The following UTRN variants were observed in gnomAD, a reference collection of about 807,000 sequenced individuals.
The protein encoded by UTRN is utrophin, also known as dystrophin-related protein 1.
UTRN carries 283 observed loss-of-function variants against 463.9 expected under a neutral mutation model. That is an observed-to-expected ratio of 0.61 (90% CI 0.55 to 0.67). The LOEUF is 0.67. Ranked by LOEUF, UTRN falls within the 30% of genes least tolerant of loss-of-function variation. UTRN has a pLI of 0.00. For synonymous variants in UTRN, 1,442 were observed against 1,431.5 expected (o/e 1.01, Z -0.17); for missense variants, 3,922 against 4,084.3 (o/e 0.96, Z 1.08).
chr6:144,651,997 G>A (rs777520074), intron 51 of UTRN, among the ~76,000 whole-genome samples: 3 of 152,012 alleles, frequency 2.0e-5, no homozygotes, highest in Non-Finnish European at 4.4e-5. Context: ...TCCCCATTGT[G>A]TTGTACTTTT....
At chr6:144,729,069 G>T (rs773954641) in intron 53 of UTRN, among the ~76,000 whole-genome samples, 1 of 152,064 alleles carries the variant, frequency 6.6e-6, no homozygotes. Context: ...GGAGGGTAAC[G>T]GGTGGCGTGT....
intron 2 of UTRN, chr6:144,333,412 C>T (rs1486792258): frequency 2.6e-5 from 4 of 152,152 alleles, no homozygotes; most frequent in Non-Finnish European, 5.9e-5. Flanking sequence ...TATAGCATGT[C>T]ACACACAGTA....
intron 41 of UTRN, among the ~76,000 whole-genome samples, chr6:144,527,235 A>G (rs1308627597): frequency 6.6e-6 from 1 of 152,222 alleles, no homozygotes. Flanking sequence ...GAAAAAGACT[A>G]TCTTTCCTTC....
intron 53 of UTRN, among the ~76,000 whole-genome samples, chr6:144,713,614 CAAAA>C (rs59879676): frequency 5.9e-5 from 8 of 136,398 alleles, no homozygotes; most frequent in Non-Finnish European, 9.5e-5. Context: ...AACTCTGTCT[CAAAA>C]AAAAAAATAA....
At chr6:144,510,808 T>G in intron 34 of UTRN, 136 bp from the exon 35 acceptor site, 1 of 714,466 alleles carries the variant, frequency 1.4e-6, no homozygotes, top group Non-Finnish European at 2.0e-6. Flanking sequence ...TTTTGTAAAC[T>G]TTGACATTGT....
chr6:144,541,860 T>G (rs1798001209), intron 45 of UTRN, among the ~76,000 whole-genome samples: 2 of 152,248 alleles, frequency 1.3e-5, no homozygotes, highest in Non-Finnish European at 1.5e-5. Context: ...TAAGTATTGG[T>G]CGGGTGAAGA....
intron 53 of UTRN, among the ~76,000 whole-genome samples, chr6:144,719,196 T>C (rs1786830264): frequency 6.6e-6 from 1 of 152,214 alleles, no homozygotes; most frequent in South Asian, 2.1e-4. Flanking sequence ...CCACATTTTC[T>C]TTTATGCCAG....
chr6:144,670,019 C>T (rs922962156), intron 51 of UTRN, among the ~76,000 whole-genome samples: 1 of 150,216 alleles, frequency 6.7e-6, no homozygotes, highest in Non-Finnish European at 1.5e-5. Flanking sequence ...TTTCTTTATC[C>T]ACTTGTTGAC....
At chr6:144,356,883 ATG>A (rs35404291) in intron 2 of UTRN, among the ~76,000 whole-genome samples, 1 of 151,456 alleles carries the variant, frequency 6.6e-6, no homozygotes, top group African/African-American at 2.4e-5. Context: ...ATATATACAT[ATG>A]TGTGTGTATA....
At chr6:144,419,371 A>G (rs775829618) in intron 3 of UTRN, among the ~76,000 whole-genome samples, 6 of 152,206 alleles carry the variant, frequency 3.9e-5, no homozygotes, top group African/African-American at 1.4e-4. Context: ...TGTTTCAGAT[A>G]TGAATAAGTA....
intron 47 of UTRN, 48 bp from the exon 48 acceptor site, chr6:144,550,917 T>G (rs751419819): frequency 6.8e-7 from 1 of 1,478,896 alleles, no homozygotes; most frequent in East Asian, 2.4e-5. Context: ...TTATTATTCT[T>G]CTCATATGGC....
At chr6:144,697,342 T>C (rs558109532) in intron 52 of UTRN, among the ~76,000 whole-genome samples, 9 of 152,298 alleles carry the variant, frequency 5.9e-5, no homozygotes, top group East Asian at 1.9e-4. Flanking sequence ...TAGTTATCAA[T>C]AGTCTTAGAG....
rs1034850846 is a variant in UTRN at position 144,724,509 on chromosome 6, G to A, written c.7810-5848G>A. 3.3e-5 allele frequency among the ~76,000 whole-genome samples: 5 copies of A among 152,192 alleles called. No homozygotes were observed. The South Asian group carries it at 8.3e-4, about 25-fold the overall frequency. On this transcript the variant is annotated intron_variant, in intron 53 of 74. Coordinates refer to ENST00000367545, the MANE Select transcript of UTRN (RefSeq NM_007124.3). ...CCCAAAGTGCTGGGATTACAGGCATGAGCCACTGCGCCTGGCCCATAACTT... is the reference window on the plus strand; with the variant it reads ...CCCAAAGTGCTGGGATTACAGGCATAAGCCACTGCGCCTGGCCCATAACTT...
intron 39 of UTRN, 121 bp from the exon 40 acceptor site, chr6:144,521,859 T>G (rs1332464469): frequency 3.6e-6 from 2 of 551,074 alleles, no homozygotes; most frequent in African/African-American, 3.9e-5. Flanking sequence ...AAAACTAAGT[T>G]TTAAAAATTT....
intron 51 of UTRN, among the ~76,000 whole-genome samples, chr6:144,582,748 C>T (rs1320889840): frequency 1.3e-5 from 2 of 152,158 alleles, no homozygotes; most frequent in Non-Finnish European, 2.9e-5. Context: ...TCCACTGGAT[C>T]GCTCTGCTTT....
At chr6:144,794,811 A>G (rs1459585316) in intron 63 of UTRN, among the ~76,000 whole-genome samples, 1 of 152,118 alleles carries the variant, frequency 6.6e-6, no homozygotes, top group Non-Finnish European at 1.5e-5. Context: ...GTTCATTGCA[A>G]CCTTTCTTGC....
At chr6:144,473,861 T>C (rs1270875069) in intron 24 of UTRN, 28 bp downstream of exon 24, 1 of 1,522,586 alleles carries the variant, frequency 6.6e-7, no homozygotes, top group South Asian at 1.2e-5. Context: ...GGGGAACTTG[T>C]CATAAATAAC....
chr6:144,621,540 A>G (rs965067557), intron 51 of UTRN, among the ~76,000 whole-genome samples: 1 of 152,110 alleles, frequency 6.6e-6, no homozygotes, highest in Non-Finnish European at 1.5e-5. Context: ...CTATGATGCA[A>G]TTCTCTTCTC....
chr6:144,561,613 T>C (rs541693129), intron 50 of UTRN, among the ~76,000 whole-genome samples: 3 of 152,222 alleles, frequency 2.0e-5, no homozygotes, highest in Admixed American at 2.0e-4. Flanking sequence ...AAGCACTGAG[T>C]GTAAGGTATA....
Sources: allele counts gnomAD v4.1 joint callset (sites outside exome capture counted in the v4.1 genomes callset), GRCh38; gene constraint gnomAD v4.1.1; transcripts MANE v1.5; gene names NCBI Gene and HGNC (gene_info 2026-07-23, HGNC 2026-07-21).